The following MACROD2 variants were observed in gnomAD, a reference collection of about 807,000 sequenced individuals.
The protein encoded by MACROD2 is ADP-ribose glycohydrolase MACROD2.
In MACROD2, 36 loss-of-function variants were observed where a neutral mutation model predicts 70.4. The ratio of observed to expected loss-of-function variants is 0.51; its 90% CI spans 0.39 to 0.68. MACROD2 has a LOEUF of 0.68. Ranked by LOEUF, MACROD2 falls within the 30% of genes least tolerant of loss-of-function variation. The pLI is 0.00. For synonymous variants in MACROD2, 172 were observed against 178.8 expected (o/e 0.96, Z 0.30); for missense variants, 496 against 538.4 (o/e 0.92, Z 0.78).
intron 5 of MACROD2, among the ~76,000 whole-genome samples, chr20:14,838,289 T>C (rs1039318366): frequency 4.6e-5 from 7 of 152,174 alleles, no homozygotes; most frequent in African/African-American, 1.7e-4. Flanking sequence ...AAAATTCTTT[T>C]ACAAGACCAG....
chr20:14,789,390 A>G (rs1375012318), intron 5 of MACROD2, among the ~76,000 whole-genome samples: 4 of 150,774 alleles, frequency 2.7e-5, no homozygotes, highest in Non-Finnish European at 4.4e-5. Flanking sequence ...CAGCCATCCA[A>G]GAGGCCAAAA....
At chr20:16,004,073 G>T (rs1275935516) in intron 15 of MACROD2, among the ~76,000 whole-genome samples, 9 of 152,100 alleles carry the variant, frequency 5.9e-5, no homozygotes, top group African/African-American at 2.2e-4. Flanking sequence ...AAACCAGCTG[G>T]CTCACAACTG....
intron 8 of MACROD2, among the ~76,000 whole-genome samples, chr20:15,631,498 T>C (rs575939339): frequency 9.2e-5 from 14 of 152,112 alleles, no homozygotes; most frequent in African/African-American, 3.1e-4. Flanking sequence ...TTAAAAGCCA[T>C]TGTGAGAAAG....
chr20:15,541,300 T>C (rs1438997985), intron 8 of MACROD2, among the ~76,000 whole-genome samples: 1 of 152,196 alleles, frequency 6.6e-6, no homozygotes, highest in Non-Finnish European at 1.5e-5. Context: ...TTTATTTGTC[T>C]TTTTTGAATT....
chr20:15,789,301 C>T (rs1475227175), intron 8 of MACROD2, among the ~76,000 whole-genome samples: 1 of 152,160 alleles, frequency 6.6e-6, no homozygotes, highest in African/African-American at 2.4e-5. Flanking sequence ...GGATTGCGTT[C>T]AGAGTCAGTG....
At chr20:14,739,921 A>G (rs2071713373) in intron 5 of MACROD2, among the ~76,000 whole-genome samples, 3 of 152,066 alleles carry the variant, frequency 2.0e-5, no homozygotes, top group Admixed American at 2.0e-4. Context: ...AGGGAAGCAA[A>G]TGAGATGATA....
At chr20:14,189,823 T>C (rs1400534477) in intron 3 of MACROD2, among the ~76,000 whole-genome samples, 1 of 152,234 alleles carries the variant, frequency 6.6e-6, no homozygotes, top group Non-Finnish European at 1.5e-5. Flanking sequence ...AGGCTTTATA[T>C]ATTTTAAACA....
At chr20:15,391,308 T>A (rs1464264836) in intron 6 of MACROD2, among the ~76,000 whole-genome samples, 1 of 152,238 alleles carries the variant, frequency 6.6e-6, no homozygotes, top group African/African-American at 2.4e-5. Flanking sequence ...GCAAAATATT[T>A]AATGGCAGTA....
intron 15 of MACROD2, among the ~76,000 whole-genome samples, chr20:16,037,154 G>A (rs2067247225): frequency 6.6e-6 from 1 of 152,080 alleles, no homozygotes; most frequent in South Asian, 2.1e-4. Context: ...GAGGTTAGAA[G>A]GACAAGCATA....
intron 5 of MACROD2, among the ~76,000 whole-genome samples, chr20:15,022,088 CTG>C (rs2075191679): frequency 1.3e-5 from 2 of 152,170 alleles, no homozygotes; most frequent in Non-Finnish European, 2.9e-5. Context: ...GCAGGAATAA[CTG>C]TTGCATTATG....
At chr20:15,785,533 G>C (rs187424802) in intron 8 of MACROD2, among the ~76,000 whole-genome samples, 1 of 152,294 alleles carries the variant, frequency 6.6e-6, no homozygotes, top group Non-Finnish European at 1.5e-5. Context: ...AACAGAAAAA[G>C]AGGGTAAGTT....
intron 4 of MACROD2, among the ~76,000 whole-genome samples, chr20:14,528,984 A>G (rs1301240288): frequency 6.6e-6 from 1 of 152,130 alleles, no homozygotes; most frequent in East Asian, 1.9e-4. Context: ...TTATCCCTAT[A>G]TCTGCATGTA....
At chr20:14,604,396 G>T (rs576369879) in intron 4 of MACROD2, among the ~76,000 whole-genome samples, 1 of 152,210 alleles carries the variant, frequency 6.6e-6, no homozygotes, top group Admixed American at 6.5e-5. Flanking sequence ...GCTCTTGTGG[G>T]TATAGGTCCC....
rs185500388 is a variant in MACROD2, at chr20:14,317,719, G to A, written c.272-175760G>A. Among the ~76,000 whole-genome samples the A allele has an allele frequency of 5.3e-5, 8 of 151,866 alleles. No homozygotes were observed. In the East Asian group the frequency reaches 1.5e-3, roughly 29 times the overall value. ...ACACCCAACTCCAGCCACAGTCATTGAACAGATACTCAGTACATCATTGTT... is the reference window on the plus strand; with the variant it reads ...ACACCCAACTCCAGCCACAGTCATTAAACAGATACTCAGTACATCATTGTT... On this transcript the variant is annotated intron_variant, in intron 3 of 17. Transcript: ENST00000684519.
At chr20:15,896,639 T>C (rs999336749) in intron 10 of MACROD2, among the ~76,000 whole-genome samples, 1 of 152,056 alleles carries the variant, frequency 6.6e-6, no homozygotes, top group African/African-American at 2.4e-5. Flanking sequence ...ATTGTCAACA[T>C]TATAACCTTG....
At chr20:13,996,381 A>G (rs1048466530) in intron 1 of MACROD2, 2 of 159,872 alleles carry the variant, frequency 1.3e-5, no homozygotes, top group African/African-American at 4.8e-5. Flanking sequence ...GACTTTTGAA[A>G]CCTGGAACTC....
Position 14,951,046 on chromosome 20 carries a change from C to T in MACROD2, c.418+266087C>T, listed in dbSNP as rs79213463. ...AGAACCAAGGCAGCCCACTCACTACCAACAAACATCAGATTTCTCTCTTGC... is the reference window on the plus strand; with the variant it reads ...AGAACCAAGGCAGCCCACTCACTACTAACAAACATCAGATTTCTCTCTTGC... On this transcript the variant is annotated intron_variant, in intron 5 of 17. Coordinates refer to ENST00000684519, the MANE Select transcript of MACROD2 (RefSeq NM_001351661.2). Among the ~76,000 whole-genome samples the T allele has an allele frequency of 4.3e-4, 65 of 152,198 alleles. No homozygotes were observed. In the East Asian group the frequency reaches 0.011, roughly 25 times the overall value.
chr20:14,789,771 C>T (rs557124958), intron 5 of MACROD2, among the ~76,000 whole-genome samples: 2 of 151,774 alleles, frequency 1.3e-5, no homozygotes, highest in African/African-American at 2.4e-5. Context: ...CCACTGCACC[C>T]GGCCAGGTCC....
chr20:14,814,677 C>T (rs1368430599), intron 5 of MACROD2, among the ~76,000 whole-genome samples: 1 of 151,886 alleles, frequency 6.6e-6, no homozygotes, highest in Non-Finnish European at 1.5e-5. Flanking sequence ...ACTATAGGTA[C>T]TTACCATGTT....
Sources: allele counts gnomAD v4.1 joint callset (sites outside exome capture counted in the v4.1 genomes callset), GRCh38; gene constraint gnomAD v4.1.1; transcripts MANE v1.5; gene names NCBI Gene and HGNC (gene_info 2026-07-23, HGNC 2026-07-21).